IL2RA: variants seen among roughly 807,000 people sequenced by gnomAD.
IL2RA encodes the protein interleukin 2 receptor subunit alpha.
IL2RA carries 24 observed loss-of-function variants against 37.8 expected under a neutral mutation model. The observed-to-expected ratio is 0.63, with a 90% confidence interval of 0.46 to 0.89. IL2RA has a LOEUF of 0.89. Among genes scored for constraint, IL2RA ranks in the 40% least tolerant of loss-of-function variants. The pLI is 0.00. For synonymous variants in IL2RA, 125 were observed against 114.6 expected, an observed-to-expected ratio of 1.09 and a Z score of -0.58; for missense variants, 319 against 348.6, an observed-to-expected ratio of 0.92 and a Z score of 0.68.
rs1225026057 is a variant in IL2RA, at chr10:6,011,191, T to A, written c.*1681A>T. 1 of 152,410 alleles carries A rather than the reference T, an allele frequency of 6.6e-6. No homozygotes were observed. The highest frequency in any genetic ancestry group is 2.4e-5 in the African/African-American group (1 of 41,468). 9.4% of individuals were successfully genotyped at this position (152,410 alleles called of 1,614,324 possible). On this transcript the variant is annotated 3_prime_UTR_variant, in exon 8 of 8. Transcript: ENST00000379959. The surrounding 1 kb of genome is among the most constrained non-coding windows in gnomAD (Gnocchi z 5.2). The stretch of plus-strand genomic sequence containing the variant: ...TTTCGTTAATGTTAATCGTGTGATG[T>A]TGTTGAGCTAGAATGTTGACTCAAC...
In IL2RA at chr10:6,021,119, C is replaced by G. The variant is rs938713790; in HGVS notation, c.583+359G>C. Among the ~76,000 whole-genome samples the G allele has an allele frequency of 1.8e-4, 28 of 152,198 alleles. No homozygotes were observed. The highest frequency in any genetic ancestry group is 6.5e-4 in the African/African-American group (27 of 41,522). The stretch of plus-strand genomic sequence containing the variant: ...AGAGGAAAAATGTGTGAGTGGGAAA[C>G]TGGACTTGCCCTTGGAGCCAGAGGA... On this transcript the variant is annotated intron_variant, in intron 4 of 7. Coordinates refer to ENST00000379959, the MANE Select transcript of IL2RA (RefSeq NM_000417.3). This position sits in a 1 kb window ranked among gnomAD's most constrained non-coding sequence, Gnocchi z 4.9.
Position 6,024,278 on chromosome 10 carries a change from A to G in IL2RA, c.333T>C (p.Ser111=), listed in dbSNP as rs1299036954. 1 of 1,613,916 alleles carries G rather than the reference A, an allele frequency of 6.2e-7. No homozygotes were observed. Among genetic ancestry groups the G allele is most frequent in the East Asian group, 2.2e-5 (1 of 44,894 alleles). The change falls in exon 3 of 8, where the codon AGT becomes AGC. Residue 111 remains serine, a synonymous_variant. Transcript: ENST00000379959. ...QKERKTTEMQ[S]PMQPVDQASL... Reference sequence around the variant, plus strand: ...TCGCTTGGTCCACTGGCTGCATTGGACTTTGCATTTCTGTGGTTTTCCTTT... The same window carrying G: ...TCGCTTGGTCCACTGGCTGCATTGGGCTTTGCATTTCTGTGGTTTTCCTTT...
chr10:6,037,750 G>A (rs139489338), intron 1 of IL2RA, among the ~76,000 whole-genome samples: 1 of 152,242 alleles, frequency 6.6e-6, no homozygotes, highest in East Asian at 1.9e-4. Flanking sequence ...TGCTCTGTCT[G>A]TAATATGAAA....
intron 1 of IL2RA, among the ~76,000 whole-genome samples, chr10:6,045,373 A>C (rs1209675960): frequency 6.6e-6 from 1 of 152,106 alleles, no homozygotes; most frequent in African/African-American, 2.4e-5. Flanking sequence ...CTTAGAAGGG[A>C]AAAAAGAAGC....
Position 6,012,652 on chromosome 10 carries a change from A to T in IL2RA, c.*220T>A. The stretch of plus-strand genomic sequence containing the variant: ...CTTCAACGGCGAAATTGCTATTTAG[A>T]AGTGGGTAGCGCTCGCTCTCTGATG... On this transcript the variant is annotated 3_prime_UTR_variant, in exon 8 of 8. Transcript: ENST00000379959. This position sits in a 1 kb window ranked among gnomAD's most constrained non-coding sequence, Gnocchi z 4.8. 1.6e-6 allele frequency: 1 copy of T among 610,628 alleles called. No homozygotes were observed. Among genetic ancestry groups the T allele is most frequent in the South Asian group, 2.0e-5 (1 of 50,598 alleles). The allele number at this position is 610,628 out of a possible 1,614,324, so 37.8% of individuals were successfully genotyped here.
In IL2RA at chr10:6,018,557, G is replaced by A. The variant is rs1234974871; in HGVS notation, c.728-438C>T. Among the ~76,000 whole-genome samples the A allele has an allele frequency of 6.6e-6, 1 of 152,196 alleles. No individual in the cohort carries two copies. The highest frequency in any genetic ancestry group is 1.5e-5 in the Non-Finnish European group (1 of 68,042). ...TACTTTCTAGGCAGATGCAGACTCA[G>A]AGTCTGTTTTTCCCTCCTACCAGGA... On this transcript the variant is annotated intron_variant, in intron 6 of 7. Coordinates refer to ENST00000379959, the MANE Select transcript of IL2RA (RefSeq NM_000417.3). The surrounding 1 kb of genome is among the most constrained non-coding windows in gnomAD (Gnocchi z 5.1).
At chr10:6,055,884 G>GCCGACTCCCCCCACCTCC (rs1840037299) in intron 1 of IL2RA, among the ~76,000 whole-genome samples, 1 of 2,810 alleles carries the variant, frequency 3.6e-4, no homozygotes, top group African/African-American at 5.3e-4. Flanking sequence ...GGGCAGAGGG[G>GCCGACTCCCCCCACCTCC]CTCCTCACTT....
chr10:6,011,182 C>T lies in IL2RA; in HGVS notation c.*1690G>A, dbSNP rs1422752905. On this transcript the variant is annotated 3_prime_UTR_variant, in exon 8 of 8. Coordinates refer to ENST00000379959, the MANE Select transcript of IL2RA (RefSeq NM_000417.3). This position sits in a 1 kb window ranked among gnomAD's most constrained non-coding sequence, Gnocchi z 5.2. ...ATGAATAATTTTCGTTAATGTTAAT[C>T]GTGTGATGTTGTTGAGCTAGAATGT... 2 of 152,278 alleles carry T rather than the reference C, an allele frequency of 1.3e-5. No homozygotes were observed. The highest frequency in any genetic ancestry group is 6.5e-5 in the Admixed American group (1 of 15,272). The allele number at this position is 152,278 out of a possible 1,614,324, so 9.4% of individuals were successfully genotyped here. A position where few individuals can be genotyped will look rare whatever the true frequency, so the allele number is the denominator to read the frequency against.
chr10:6,045,028 T>C (rs1032535859), intron 1 of IL2RA, among the ~76,000 whole-genome samples: 1 of 152,244 alleles, frequency 6.6e-6, no homozygotes, highest in Non-Finnish European at 1.5e-5. Flanking sequence ...AGGAAGTTGC[T>C]GTCATCAAAG....
At chr10:6,055,020 T>C (rs12722627) in intron 1 of IL2RA, among the ~76,000 whole-genome samples, 1 of 152,208 alleles carries the variant, frequency 6.6e-6, no homozygotes, top group African/African-American at 2.4e-5. Flanking sequence ...CAGTCGCAAG[T>C]TCTGTGTGGG....
chr10:6,020,749 T>A lies in IL2RA; in HGVS notation c.583+729A>T, dbSNP rs572849811. Among the ~76,000 whole-genome samples the A allele has an allele frequency of 9.5e-4, 144 of 152,224 alleles. No homozygotes were observed. Among genetic ancestry groups the A allele is most frequent in the Non-Finnish European group, 1.1e-3 (77 of 68,030 alleles). ...GGTTTCACCATGTTGGCCAGGCTGG[T>A]CTCGAACTCCTGACCTAAAGTGATC... On this transcript the variant is annotated intron_variant, in intron 4 of 7. Coordinates refer to ENST00000379959, the MANE Select transcript of IL2RA (RefSeq NM_000417.3). The surrounding 1 kb of genome is among the most constrained non-coding windows in gnomAD (Gnocchi z 5.6).
intron 1 of IL2RA, among the ~76,000 whole-genome samples, chr10:6,052,569 C>T (rs1436867892): frequency 6.6e-6 from 1 of 152,198 alleles, no homozygotes; most frequent in Non-Finnish European, 1.5e-5. Flanking sequence ...CTCCTGTACC[C>T]TCAACCCATC....
rs768912461 is a variant in IL2RA, at chr10:6,020,779, C to T, written c.583+699G>A. 5.1e-4 allele frequency among the ~76,000 whole-genome samples: 77 copies of T among 152,208 alleles called. No individual in the cohort carries two copies. Among genetic ancestry groups the T allele is most frequent in the Non-Finnish European group, 5.1e-4 (35 of 68,016 alleles). On this transcript the variant is annotated intron_variant, in intron 4 of 7. Transcript: ENST00000379959. The surrounding 1 kb of genome is among the most constrained non-coding windows in gnomAD (Gnocchi z 5.6). ...AACTCCTGACCTAAAGTGATCTGCC[C>T]GCCTTGGCCTCCCAGAGTGCTGGGA...
Position 6,028,074 on chromosome 10 carries a change from T to A in IL2RA, c.65-2049A>T, listed in dbSNP as rs968381266. 6.6e-6 allele frequency among the ~76,000 whole-genome samples: 1 copy of A among 152,040 alleles called. No individual in the cohort carries two copies. Among genetic ancestry groups the A allele is most frequent in the Non-Finnish European group, 1.5e-5 (1 of 68,000 alleles). ...ACAGGCAGCTCAGGGCTACATGATTTTGGAGGAGGGAAACACGTGAGAGGC... is the reference window on the plus strand; with the variant it reads ...ACAGGCAGCTCAGGGCTACATGATTATGGAGGAGGGAAACACGTGAGAGGC... On this transcript the variant is annotated intron_variant, in intron 1 of 7. Transcript: ENST00000379959. The surrounding 1 kb of genome is among the most constrained non-coding windows in gnomAD (Gnocchi z 4.1).
At chr10:6,049,257 C>A (rs1839910706) in intron 1 of IL2RA, among the ~76,000 whole-genome samples, 1 of 152,186 alleles carries the variant, frequency 6.6e-6, no homozygotes, top group African/African-American at 2.4e-5. Context: ...CGACGGATGT[C>A]CCAGCTTGAA....
At chr10:6,031,473 T>A in intron 1 of IL2RA, among the ~76,000 whole-genome samples, 1 of 16,868 alleles carries the variant, frequency 5.9e-5, no homozygotes, top group African/African-American at 2.0e-4. Context: ...TATATATATA[T>A]ATATATATAT....
chr10:6,015,720 G>A lies in IL2RA; in HGVS notation c.794+2333C>T, dbSNP rs1243739017. Among the ~76,000 whole-genome samples, 7 of 152,180 alleles carry A rather than the reference G, an allele frequency of 4.6e-5. No homozygotes were observed. Among genetic ancestry groups the A allele is most frequent in the South Asian group, 2.1e-4 (1 of 4,826 alleles). On this transcript the variant is annotated intron_variant, in intron 7 of 7. Transcript: ENST00000379959. This position sits in a 1 kb window ranked among gnomAD's most constrained non-coding sequence, Gnocchi z 4.9. ...TCTCAAACATTTATCGTTTCTTTATGTTCCTACAGATGATTCTGGTGCTAG... is the reference window on the plus strand; with the variant it reads ...TCTCAAACATTTATCGTTTCTTTATATTCCTACAGATGATTCTGGTGCTAG...
intron 1 of IL2RA, among the ~76,000 whole-genome samples, chr10:6,034,831 C>T (rs1164613810): frequency 6.6e-6 from 1 of 152,222 alleles, no homozygotes; most frequent in Non-Finnish European, 1.5e-5. Context: ...CGCACTCCCC[C>T]AGCTCACACC....
chr10:6,011,410 C>T lies in IL2RA; in HGVS notation c.*1462G>A, dbSNP rs1839189285. The T allele has an allele frequency of 1.3e-5, 2 of 152,454 alleles. No homozygotes were observed. The highest frequency in any genetic ancestry group is 2.9e-5 in the Non-Finnish European group (2 of 68,066). 9.4% of individuals were successfully genotyped at this position (152,454 alleles called of 1,614,324 possible). A position where few individuals can be genotyped will look rare whatever the true frequency, so the allele number is the denominator to read the frequency against. The stretch of plus-strand genomic sequence containing the variant: ...CCTGGGAATTGTTAGACACACAAAA[C>T]ATTTGGCTCTATTCCAGACCAACAA... On this transcript the variant is annotated 3_prime_UTR_variant, in exon 8 of 8. Transcript: ENST00000379959. This position sits in a 1 kb window ranked among gnomAD's most constrained non-coding sequence, Gnocchi z 5.2.
Sources: allele counts gnomAD v4.1 joint callset (sites outside exome capture counted in the v4.1 genomes callset), GRCh38; gene constraint gnomAD v4.1.1; non-coding constraint Gnocchi (gnomAD v3.1); transcripts MANE v1.5; gene names NCBI Gene and HGNC (gene_info 2026-07-23, HGNC 2026-07-21).